AKT3: variants seen among roughly 807,000 people sequenced by gnomAD.
AKT3 encodes RAC-gamma serine/threonine-protein kinase.
A neutral mutation model predicts 65.3 loss-of-function variants in AKT3; 15 were observed. The observed-to-expected ratio is 0.23, with a 90% CI of 0.15 to 0.35. The LOEUF (loss-of-function observed/expected upper bound fraction) is 0.35. AKT3 is among the 10% of genes least tolerant of loss of function. The pLI, the probability that AKT3 is intolerant of heterozygous loss-of-function variation, is 1.00. For synonymous variants in AKT3, 206 were observed against 183.8 expected (o/e 1.12, Z -0.98); for missense variants, 243 against 576.5 (o/e 0.42, Z 5.92).
At position 243,688,902 on chromosome 1, in the gene AKT3, T is replaced by A. The variant is rs1038960468; in HGVS notation, c.172+6689A>T. Among the ~76,000 whole-genome samples the A allele has an allele frequency of 8.5e-5, 13 of 152,154 alleles. 1 individual carries two copies. Among genetic ancestry groups the A allele is most frequent in the Admixed American group, 2.6e-4 (4 of 15,264 alleles). Reference sequence around the variant, plus strand: ...TACCATTCACAAAACAAGCTACTCCTTAATACTTGCCTTCATTTGTTTGCT... The same window carrying A: ...TACCATTCACAAAACAAGCTACTCCATAATACTTGCCTTCATTTGTTTGCT... On this transcript the variant is annotated intron_variant, in intron 3 of 13. Transcript: ENST00000673466.
At position 243,751,438 on chromosome 1, in the gene AKT3, G is replaced by A. The variant is rs919505837; in HGVS notation, c.47-55722C>T. 2.6e-5 allele frequency among the ~76,000 whole-genome samples: 4 copies of A among 152,218 alleles called. No homozygotes were observed. In the South Asian group the frequency reaches 8.3e-4, roughly 32 times the overall value. On this transcript the variant is annotated intron_variant, in intron 2 of 13. Transcript: ENST00000673466. ...AGGAATACAGTTGTATCTACATTTT[G>A]TGTAAGTAATAGTTGCTCATTTCTT...
chr1:243,646,436 C>A (rs1364999812), intron 4 of AKT3, among the ~76,000 whole-genome samples: 1 of 151,958 alleles, frequency 6.6e-6, no homozygotes, highest in African/African-American at 2.4e-5. Flanking sequence ...CTCACTGCAA[C>A]CTCCACCTCG....
chr1:243,515,943 C>T (rs1670323982), intron 12 of AKT3, among the ~76,000 whole-genome samples: 1 of 151,320 alleles, frequency 6.6e-6, no homozygotes, highest in Non-Finnish European at 1.5e-5. Context: ...CGTCACTGCA[C>T]TCCAGCCTGG....
intron 12 of AKT3, among the ~76,000 whole-genome samples, chr1:243,530,062 T>C (rs1001329889): frequency 1.3e-5 from 2 of 152,212 alleles, no homozygotes; most frequent in African/African-American, 2.4e-5. Flanking sequence ...TTTGTGGCTA[T>C]TGTGAATAGG....
intron 2 of AKT3, among the ~76,000 whole-genome samples, chr1:243,812,464 C>T (rs1693225075): frequency 1.3e-5 from 2 of 152,164 alleles, no homozygotes; most frequent in South Asian, 4.1e-4. Context: ...AAATCAAAAT[C>T]ACAATGTGAT....
At chr1:243,688,097 G>A (rs541086469) in intron 3 of AKT3, among the ~76,000 whole-genome samples, 10 of 151,798 alleles carry the variant, frequency 6.6e-5, no homozygotes, top group East Asian at 3.9e-4. Flanking sequence ...ACATGTACCC[G>A]AAAATATGTA....
chr1:243,741,680 A>G (rs568345258), intron 2 of AKT3: 1 of 152,288 alleles, frequency 6.6e-6, no homozygotes, highest in African/African-American at 2.4e-5. Context: ...AACATCTCAC[A>G]TTTCCAAATT....
downstream of AKT3, among the ~76,000 whole-genome samples, chr1:243,495,017 T>A (rs1436203868): frequency 6.6e-6 from 1 of 152,236 alleles, no homozygotes; most frequent in African/African-American, 2.4e-5. Context: ...ATTCTTAAAA[T>A]CTATTTACCA....
intron 3 of AKT3, among the ~76,000 whole-genome samples, chr1:243,671,581 T>A (rs1160716970): frequency 6.6e-6 from 1 of 152,174 alleles, no homozygotes; most frequent in Non-Finnish European, 1.5e-5. Flanking sequence ...ACTCAATACA[T>A]CAACCTTTAA....
rs543118563 is a variant in AKT3, at chr1:243,807,923, T to G, written c.46+35202A>C. On this transcript the variant is annotated intron_variant, in intron 2 of 13. Transcript: ENST00000673466. ...CTGCTAATGATACCCAGGCAAACAG[T>G]GTCTGAAGTGGACCTCCAGCAAACT... Among the ~76,000 whole-genome samples the G allele has an allele frequency of 1.1e-4, 16 of 152,300 alleles. No homozygotes were observed. In the South Asian group the frequency reaches 2.7e-3, roughly 26 times the overall value.
At chr1:243,701,587 C>T (rs924509066) in intron 2 of AKT3, among the ~76,000 whole-genome samples, 2 of 140,972 alleles carry the variant, frequency 1.4e-5, no homozygotes, top group African/African-American at 5.2e-5. Context: ...ATTTGAAATT[C>T]ATTTAGTTCA....
chr1:243,625,411 A>G (rs547300747), intron 6 of AKT3, among the ~76,000 whole-genome samples: 11 of 152,210 alleles, frequency 7.2e-5, no homozygotes, highest in Admixed American at 3.3e-4. Context: ...GGGATTACCA[A>G]TGTGAGCCAC....
chr1:243,600,798 T>C (rs931779150), intron 8 of AKT3, among the ~76,000 whole-genome samples: 4 of 152,066 alleles, frequency 2.6e-5, no homozygotes, highest in Non-Finnish European at 5.9e-5. Context: ...CAAACTTCAG[T>C]TAGAAAAAGA....
At chr1:243,569,896 A>C (rs899697772) in intron 9 of AKT3, among the ~76,000 whole-genome samples, 2 of 152,230 alleles carry the variant, frequency 1.3e-5, no homozygotes, top group South Asian at 2.1e-4. Context: ...AGATTTTAAC[A>C]TATAATTTGG....
chr1:243,657,757 G>A (rs1044682694), intron 4 of AKT3, among the ~76,000 whole-genome samples: 1 of 152,134 alleles, frequency 6.6e-6, no homozygotes, highest in East Asian at 1.9e-4. Context: ...TAAAGCTTCA[G>A]TAATTAAAAC....
chr1:243,679,502 T>A (rs1683769897), intron 3 of AKT3, among the ~76,000 whole-genome samples: 1 of 152,208 alleles, frequency 6.6e-6, no homozygotes, highest in African/African-American at 2.4e-5. Context: ...CAAGCTCTGA[T>A]CACATAAGAC....
intron 2 of AKT3, among the ~76,000 whole-genome samples, chr1:243,807,108 G>A (rs187854938): frequency 7.9e-5 from 12 of 152,322 alleles, no homozygotes; most frequent in Middle Eastern, 3.4e-3. Flanking sequence ...CAGTGTGAGC[G>A]ACACAGAAGA....
chr1:243,653,124 G>T (rs759844735), intron 4 of AKT3, among the ~76,000 whole-genome samples: 8 of 151,928 alleles, frequency 5.3e-5, no homozygotes, highest in Non-Finnish European at 8.8e-5. Flanking sequence ...AAAGAAGAGA[G>T]AAAAATCAAA....
intron 2 of AKT3, among the ~76,000 whole-genome samples, chr1:243,737,615 G>A (rs536414439): frequency 1.3e-5 from 2 of 152,192 alleles, no homozygotes; most frequent in African/African-American, 2.4e-5. Context: ...AAAGGGACAG[G>A]GTAGACTTCC....
Sources: gnomAD v4.1 joint callset for allele counts (sites outside exome capture counted in the v4.1 genomes callset) on GRCh38, gnomAD v4.1.1 for gene constraint, MANE v1.5 for transcripts, NCBI Gene and HGNC (gene_info 2026-07-23, HGNC 2026-07-21) for gene names.